The following ITSN1 variants were observed in gnomAD, a reference collection of about 807,000 sequenced individuals.
ITSN1 encodes intersectin-1.
Under a neutral mutation model 239.8 loss-of-function variants are expected in ITSN1, and 58 were observed. The observed-to-expected ratio is 0.24, with a 90% CI of 0.20 to 0.30. The LOEUF (loss-of-function observed/expected upper bound fraction) is 0.30. ITSN1 is among the 10% of genes least tolerant of loss of function. The probability of loss-of-function intolerance (pLI) is 1.00; values close to 1 mark genes in which losing one functional copy is unlikely to be tolerated. For synonymous variants in ITSN1, 780 were observed against 770.8 expected, an observed-to-expected ratio of 1.01 and a Z score of -0.20; for missense variants, 1,558 against 2,103.3, an observed-to-expected ratio of 0.74 and a Z score of 5.07.
intron 5 of ITSN1, among the ~76,000 whole-genome samples, chr21:33,737,169 C>A (rs922913617): frequency 3.9e-5 from 6 of 152,198 alleles, no homozygotes; most frequent in African/African-American, 1.2e-4. Context: ...TTATTCCATT[C>A]TGCCATCAGA....
chr21:33,879,505 G>A (rs1984547304), intron 34 of ITSN1, among the ~76,000 whole-genome samples: 3 of 152,212 alleles, frequency 2.0e-5, no homozygotes, highest in Admixed American at 1.3e-4. Context: ...ATAATGCAAA[G>A]GAACATTAAC....
At chr21:33,798,417 T>C (rs190481792) in intron 18 of ITSN1, among the ~76,000 whole-genome samples, 2 of 151,724 alleles carry the variant, frequency 1.3e-5, no homozygotes, top group Middle Eastern at 6.3e-3. Context: ...CCTTTTTTTT[T>C]TAAAAAAGGG....
chr21:33,861,182 A>C (rs1159474483), intron 31 of ITSN1, among the ~76,000 whole-genome samples: 1 of 152,230 alleles, frequency 6.6e-6, no homozygotes, highest in Admixed American at 6.5e-5. Flanking sequence ...CCCACATCAT[A>C]AACTGGACAA....
At chr21:33,810,339 A>G (rs993124687) in intron 20 of ITSN1, among the ~76,000 whole-genome samples, 5 of 152,214 alleles carry the variant, frequency 3.3e-5, no homozygotes, top group African/African-American at 1.2e-4. Flanking sequence ...AATTTATACA[A>G]AAGAAAACTA....
At chr21:33,698,746 T>C (rs1484729978) in intron 1 of ITSN1, among the ~76,000 whole-genome samples, 2 of 152,230 alleles carry the variant, frequency 1.3e-5, no homozygotes, top group Non-Finnish European at 2.9e-5. Flanking sequence ...CTCTTGCCTT[T>C]ATGTGTAATC....
intron 18 of ITSN1, among the ~76,000 whole-genome samples, chr21:33,799,413 T>A (rs1331228145): frequency 6.6e-6 from 1 of 152,192 alleles, no homozygotes; most frequent in East Asian, 1.9e-4. Flanking sequence ...CTTGGCTGAT[T>A]CAGACTTTGG....
rs1046930251 is a variant in ITSN1 at position 33,894,941 on chromosome 21, C to A, written c.*6641C>A. 1 of 152,158 alleles carries A rather than the reference C, an allele frequency of 6.6e-6. No homozygotes were observed. Among genetic ancestry groups the A allele is most frequent in the East Asian group, 1.9e-4 (1 of 5,190 alleles). 9.4% of individuals were successfully genotyped at this position (152,158 alleles called of 1,614,324 possible). Reference sequence around the variant, plus strand: ...TTTTCACTGGCAGATTTCAAGGTGCCGGCTCCACCTACCGCAGCTGCTAGG... The same window carrying A: ...TTTTCACTGGCAGATTTCAAGGTGCAGGCTCCACCTACCGCAGCTGCTAGG... On this transcript the variant is annotated 3_prime_UTR_variant, in exon 40 of 40. Transcript: ENST00000381318.
At chr21:33,658,853 T>C (rs1019447342) in intron 1 of ITSN1, among the ~76,000 whole-genome samples, 5 of 152,220 alleles carry the variant, frequency 3.3e-5, no homozygotes, top group Non-Finnish European at 5.9e-5. Flanking sequence ...TCCTGATTCC[T>C]AGCACATAGC....
At chr21:33,834,906 C>T (rs2074514709) in intron 28 of ITSN1, among the ~76,000 whole-genome samples, 3 of 152,098 alleles carry the variant, frequency 2.0e-5, no homozygotes, top group South Asian at 4.1e-4. Flanking sequence ...GAGGGGGCTT[C>T]GCTGGGCAGG....
At chr21:33,657,058 G>A (rs1011963877) in intron 1 of ITSN1, among the ~76,000 whole-genome samples, 2 of 151,982 alleles carry the variant, frequency 1.3e-5, no homozygotes, top group Non-Finnish European at 2.9e-5. Context: ...AGATTCAGAG[G>A]GTACATGCAC....
chr21:33,826,765 G>A, intron 25 of ITSN1, 53 bp from the exon 26 acceptor site: 1 of 1,540,864 alleles, frequency 6.5e-7, no homozygotes, highest in African/African-American at 1.4e-5. Context: ...CGTTTTTAAA[G>A]TTGCATGATC....
chr21:33,885,509 C>T lies in ITSN1; in HGVS notation c.4830C>T (p.Pro1610=), dbSNP rs1453992340. The change falls in exon 38 of 40, where the codon CCC becomes CCT. Residue 1610 remains proline (P), a synonymous_variant. Coordinates refer to ENST00000381318, the MANE Select transcript of ITSN1 (RefSeq NM_003024.3). ...TGGTTGAAGGCATCGAGTTGAAACC[C>T]TGTCGGTCACATGGTAAGGCTGTGA... ...VNVVEGIELK[P]CRSHGKSNPY... is the part of the protein sequence containing the mutation. 1 of 1,614,032 alleles carries T rather than the reference C, an allele frequency of 6.2e-7. No homozygotes were observed. Among genetic ancestry groups the T allele is most frequent in the Admixed American group, 1.7e-5 (1 of 60,008 alleles).
chr21:33,658,596 A>T (rs1018936698), intron 1 of ITSN1, among the ~76,000 whole-genome samples: 2 of 152,194 alleles, frequency 1.3e-5, no homozygotes, highest in Non-Finnish European at 2.9e-5. Context: ...TGTGCAGTTC[A>T]TCATTGACTC....
At position 33,894,688 on chromosome 21, in the gene ITSN1, A is replaced by G. The variant is rs1204353976; in HGVS notation, c.*6388A>G. The G allele has an allele frequency of 2.6e-5, 4 of 152,226 alleles. No homozygotes were observed. The highest frequency in any genetic ancestry group is 9.7e-5 in the African/African-American group (4 of 41,438). 9.4% of individuals were successfully genotyped at this position (152,226 alleles called of 1,614,324 possible). On this transcript the variant is annotated 3_prime_UTR_variant, in exon 40 of 40. Coordinates refer to ENST00000381318, the MANE Select transcript of ITSN1 (RefSeq NM_003024.3). Reference sequence around the variant, plus strand: ...TACTTTTATCTTTTGAAAGAATAACATTCCTGTGCGACTCTGCTTCTCTTC... The same window carrying G: ...TACTTTTATCTTTTGAAAGAATAACGTTCCTGTGCGACTCTGCTTCTCTTC...
intron 17 of ITSN1, among the ~76,000 whole-genome samples, chr21:33,796,525 CCT>C (rs2071575181): frequency 6.6e-6 from 1 of 152,130 alleles, no homozygotes; most frequent in Non-Finnish European, 1.5e-5. Context: ...TAGCCGATGA[CCT>C]GTGTGCGTTA....
At chr21:33,823,064 A>T (rs772158235) in intron 24 of ITSN1, among the ~76,000 whole-genome samples, 17 of 152,254 alleles carry the variant, frequency 1.1e-4, no homozygotes, top group Non-Finnish European at 2.2e-4. Flanking sequence ...CATATTTAAT[A>T]TGCTTACCAA....
At position 33,882,493 on chromosome 21, in the gene ITSN1, C is replaced by T. The variant is rs765478335; in HGVS notation, c.4554+38C>T. 8.9e-6 allele frequency: 14 copies of T among 1,570,826 alleles called. No homozygotes were observed. The highest frequency in any genetic ancestry group is 3.4e-5 in the Admixed American group (2 of 58,650). On this transcript the variant is annotated intron_variant, in intron 35 of 39. Transcript: ENST00000381318. The surrounding 1 kb of genome is among the most constrained non-coding windows in gnomAD (Gnocchi z 4.5). ...CTAGATTTTGCATTATCAGGGTTGACGTGTTTGGGGAGGAAGAAGTTTCCA... is the reference window on the plus strand; with the variant it reads ...CTAGATTTTGCATTATCAGGGTTGATGTGTTTGGGGAGGAAGAAGTTTCCA...
chr21:33,728,228 G>C (rs1406436580), intron 4 of ITSN1, among the ~76,000 whole-genome samples: 1 of 152,038 alleles, frequency 6.6e-6, no homozygotes, highest in Non-Finnish European at 1.5e-5. Flanking sequence ...GCCTCTCAAA[G>C]TGCTGGGATT....
At chr21:33,685,999 G>A (rs1185595448) in intron 1 of ITSN1, among the ~76,000 whole-genome samples, 1 of 152,136 alleles carries the variant, frequency 6.6e-6, no homozygotes, top group Non-Finnish European at 1.5e-5. Context: ...TAAGAGTTTA[G>A]TACTTAAGCA....
Sources: allele counts gnomAD v4.1 joint callset (sites outside exome capture counted in the v4.1 genomes callset), GRCh38; gene constraint gnomAD v4.1.1; non-coding constraint Gnocchi (gnomAD v3.1); transcripts MANE v1.5; gene names NCBI Gene and HGNC (gene_info 2026-07-23, HGNC 2026-07-21).